The following AHI1 variants were observed in gnomAD, a reference collection of about 807,000 sequenced individuals.
The protein encoded by AHI1 is jouberin.
Under a neutral mutation model 149.3 loss-of-function variants are expected in AHI1, and 123 were observed. The observed-to-expected ratio is 0.82, with a 90% CI of 0.71 to 0.96. AHI1 has a LOEUF of 0.96. AHI1 is among the 40% of genes least tolerant of loss of function. The pLI is 0.00. For synonymous variants in AHI1, 475 were observed against 459.8 expected, an observed-to-expected ratio of 1.03 and a Z score of -0.42; for missense variants, 1,439 against 1,422.7, an observed-to-expected ratio of 1.01 and a Z score of -0.18.
intron 23 of AHI1, among the ~76,000 whole-genome samples, chr6:135,370,551 G>C (rs1562599503): frequency 6.6e-6 from 1 of 152,184 alleles, no homozygotes; most frequent in Non-Finnish European, 1.5e-5. Context: ...TTGCTCCTCT[G>C]TTTGCCTGGT....
chr6:135,443,664 T>C (rs181380747), intron 13 of AHI1, among the ~76,000 whole-genome samples: 2 of 152,282 alleles, frequency 1.3e-5, no homozygotes, highest in Non-Finnish European at 2.9e-5. Context: ...TTTTCACAAA[T>C]AGTACCAAGA....
At chr6:135,394,526 C>G (rs959185183) in intron 23 of AHI1, 2 of 440,188 alleles carry the variant, frequency 4.5e-6, no homozygotes, top group African/African-American at 4.0e-5. Flanking sequence ...TTAAAACTCA[C>G]GTGTTTTGCT....
At chr6:135,412,804 G>C (rs1004179709) in intron 20 of AHI1, among the ~76,000 whole-genome samples, 8 of 152,032 alleles carry the variant, frequency 5.3e-5, no homozygotes, top group African/African-American at 1.9e-4. Context: ...TCTCAAAACA[G>C]GGATTCATAA....
At chr6:135,387,340 T>C (rs867584775) in intron 23 of AHI1, among the ~76,000 whole-genome samples, 17 of 152,352 alleles carry the variant, frequency 1.1e-4, no homozygotes, top group Middle Eastern at 3.4e-3. Flanking sequence ...TTGTTGCTTT[T>C]GTTCTATTTT....
intron 7 of AHI1, among the ~76,000 whole-genome samples, chr6:135,465,102 G>C (rs897025292): frequency 3.3e-5 from 5 of 152,156 alleles, no homozygotes; most frequent in Admixed American, 2.0e-4. Context: ...GAGGGCTTTA[G>C]GGGAAATTGA....
chr6:135,348,581 G>C (rs1431328120), intron 24 of AHI1, among the ~76,000 whole-genome samples: 4 of 151,954 alleles, frequency 2.6e-5, no homozygotes, highest in Non-Finnish European at 5.9e-5. Context: ...ATTGCCTGCA[G>C]GAAAAAAAAT....
intron 5 of AHI1, among the ~76,000 whole-genome samples, chr6:135,473,025 C>T: frequency 6.6e-6 from 1 of 152,024 alleles, no homozygotes; most frequent in East Asian, 1.9e-4. Flanking sequence ...GTTTTTGTAT[C>T]CTGAGAAATC....
chr6:135,285,473 T>C lies in AHI1; in HGVS notation c.*172A>G. 1.4e-6 allele frequency: 1 copy of C among 711,486 alleles called. No homozygotes were observed. Among genetic ancestry groups the C allele is most frequent in the South Asian group, 1.7e-5 (1 of 58,316 alleles). 44.1% of individuals were successfully genotyped at this position (711,486 alleles called of 1,614,324 possible). ...TGAACTCAAAGGCCACGTTGATTTTTCCACCCACAACTTGATTCTGATTTT... is the reference window on the plus strand; with the variant it reads ...TGAACTCAAAGGCCACGTTGATTTTCCCACCCACAACTTGATTCTGATTTT... On this transcript the variant is annotated 3_prime_UTR_variant, in exon 29 of 29. Transcript: ENST00000265602.
intron 24 of AHI1, among the ~76,000 whole-genome samples, chr6:135,346,443 G>T (rs964497546): frequency 1.3e-5 from 2 of 151,928 alleles, no homozygotes; most frequent in African/African-American, 4.8e-5. Context: ...CTCGTGATCT[G>T]CCCACCTCGG....
In AHI1 at chr6:135,466,438, CTAA is replaced by C; in HGVS notation, c.190-68_190-66del. ...ATAGATTAGTTATATAAAGAAAAAC[CTAA>C]TAATTAATATTTGACAATGTGGAAT... On this transcript the variant is annotated intron_variant, in intron 6 of 28. Transcript: ENST00000265602. 4 of 1,346,298 alleles carry C rather than the reference CTAA, an allele frequency of 3.0e-6. No individual in the cohort carries two copies. In the South Asian group the frequency reaches 4.1e-5, roughly 14 times the overall value. The allele number at this position is 1,346,298 out of a possible 1,614,324, so 83.4% of individuals were successfully genotyped here.
intron 27 of AHI1, among the ~76,000 whole-genome samples, chr6:135,299,580 G>A (rs1783591549): frequency 6.6e-6 from 1 of 152,110 alleles, no homozygotes; most frequent in Non-Finnish European, 1.5e-5. Context: ...TGGACATAAT[G>A]TTAGGTCCAA....
intron 23 of AHI1, among the ~76,000 whole-genome samples, chr6:135,390,414 T>C (rs1394299702): frequency 6.6e-6 from 1 of 152,206 alleles, no homozygotes; most frequent in East Asian, 1.9e-4. Flanking sequence ...ACTGTTTATA[T>C]TATTACTTTG....
chr6:135,457,401 T>A (rs1289373832), intron 9 of AHI1, 93 bp downstream of exon 9: 2 of 886,632 alleles, frequency 2.3e-6, no homozygotes, highest in Non-Finnish European at 3.5e-6. Context: ...AATCCATAAC[T>A]CTATTCCCAC....
intron 3 of AHI1, among the ~76,000 whole-genome samples, chr6:135,493,714 G>T (rs1452227227): frequency 6.6e-6 from 1 of 152,148 alleles, no homozygotes. Flanking sequence ...TAATAGGCCA[G>T]GAAAAAGCTG....
intron 3 of AHI1, among the ~76,000 whole-genome samples, chr6:135,495,098 C>G (rs1795785516): frequency 6.8e-6 from 1 of 147,860 alleles, no homozygotes. Context: ...TGACATGAGA[C>G]AGTAACTCTG....
At chr6:135,439,771 T>G (rs932578627) in intron 14 of AHI1, among the ~76,000 whole-genome samples, 1 of 152,190 alleles carries the variant, frequency 6.6e-6, no homozygotes, top group East Asian at 1.9e-4. Context: ...AGCATACATG[T>G]GTTTCTACTG....
intron 20 of AHI1, among the ~76,000 whole-genome samples, chr6:135,421,548 C>G (rs1470054700): frequency 6.6e-6 from 1 of 151,982 alleles, no homozygotes; most frequent in Non-Finnish European, 1.5e-5. Context: ...GGGTCAAATA[C>G]AGAGTGGTAG....
chr6:135,307,728 T>G lies in AHI1; in HGVS notation c.3427-7170A>C, dbSNP rs143535439. On this transcript the variant is annotated intron_variant, in intron 26 of 28. Transcript: ENST00000265602. ...ACTTATAAGTGTTTTTTCCTTTAATTACAATATTTATATTGTAATTTATAT... is the reference window on the plus strand; with the variant it reads ...ACTTATAAGTGTTTTTTCCTTTAATGACAATATTTATATTGTAATTTATAT... 6.0e-3 allele frequency among the ~76,000 whole-genome samples: 902 copies of G among 150,806 alleles called. 9 individuals are homozygous for G. The highest frequency in any genetic ancestry group is 0.02 in the African/African-American group (826 of 41,334).
intron 16 of AHI1, among the ~76,000 whole-genome samples, chr6:135,432,031 G>A (rs907430134): frequency 2.1e-5 from 3 of 144,098 alleles, no homozygotes; most frequent in African/African-American, 7.8e-5. Context: ...TTTGGATATC[G>A]TATGGCCAAA....
Sources: gnomAD v4.1 joint callset for allele counts (sites outside exome capture counted in the v4.1 genomes callset) on GRCh38, gnomAD v4.1.1 for gene constraint, MANE v1.5 for transcripts, NCBI Gene and HGNC (gene_info 2026-07-23, HGNC 2026-07-21) for gene names.